Variants in CPPED1 observed in about 807,000 individuals in gnomAD.
The protein encoded by CPPED1 is calcineurin like phosphoesterase domain containing 1.
In CPPED1, 28 loss-of-function variants were observed where a neutral mutation model predicts 28.0. The ratio of observed to expected loss-of-function variants is 1.00; its 90% CI spans 0.74 to 1.37. The LOEUF is 1.37. Among genes scored for constraint, CPPED1 ranks in the 40% most tolerant of loss-of-function variants. The probability of loss-of-function intolerance (pLI) is 0.00; values close to 1 mark genes in which losing one functional copy is unlikely to be tolerated. For synonymous variants in CPPED1, 198 were observed against 180.2 expected (o/e 1.10, Z -0.79); for missense variants, 504 against 416.5 (o/e 1.21, Z -1.83).
intron 3 of CPPED1, among the ~76,000 whole-genome samples, chr16:12,689,222 T>TG (rs932338236): frequency 7.5e-5 from 11 of 146,142 alleles, no homozygotes; most frequent in African/African-American, 2.8e-4. Context: ...GAGGGCTTTT[T>TG]TTTTTTTTTT....
At chr16:12,731,343 C>G (rs563469720) in intron 2 of CPPED1, among the ~76,000 whole-genome samples, 1 of 148,038 alleles carries the variant, frequency 6.8e-6, no homozygotes, top group Non-Finnish European at 1.5e-5. Context: ...TTAGTAGAGA[C>G]GGGGTTTCAC....
chr16:12,754,915 G>A (rs1052508509), intron 2 of CPPED1, among the ~76,000 whole-genome samples: 1 of 152,190 alleles, frequency 6.6e-6, no homozygotes, highest in Non-Finnish European at 1.5e-5. Flanking sequence ...AGGAGCTGAG[G>A]TGGGAGGATG....
intron 2 of CPPED1, among the ~76,000 whole-genome samples, chr16:12,778,333 G>A (rs182740920): frequency 7.6e-6 from 1 of 131,052 alleles, no homozygotes; most frequent in Non-Finnish European, 1.5e-5. Flanking sequence ...CTGGAGTGCT[G>A]TGGTGCAATC....
At chr16:12,678,275 A>G (rs1368566623) in intron 3 of CPPED1, among the ~76,000 whole-genome samples, 2 of 152,268 alleles carry the variant, frequency 1.3e-5, no homozygotes, top group South Asian at 2.1e-4. Flanking sequence ...AAGTAAGAGC[A>G]TCTGTCCTGA....
intron 1 of CPPED1, among the ~76,000 whole-genome samples, chr16:12,799,443 G>A (rs554714081): frequency 1.8e-4 from 27 of 152,064 alleles, no homozygotes; most frequent in Non-Finnish European, 3.1e-4. Context: ...ATGGGGTTTC[G>A]CCATGTTGGC....
intron 2 of CPPED1, among the ~76,000 whole-genome samples, chr16:12,729,180 C>G (rs545827657): frequency 1.3e-5 from 2 of 152,260 alleles, no homozygotes; most frequent in East Asian, 3.9e-4. Context: ...GATCTGACAT[C>G]CAACTCAGGT....
intron 2 of CPPED1, among the ~76,000 whole-genome samples, chr16:12,758,608 A>G (rs1204435510): frequency 6.6e-6 from 1 of 152,164 alleles, no homozygotes; most frequent in East Asian, 1.9e-4. Flanking sequence ...ACTATTTTCC[A>G]TGATGTCTTC....
At chr16:12,730,046 G>A (rs2080189393) in intron 2 of CPPED1, among the ~76,000 whole-genome samples, 1 of 152,170 alleles carries the variant, frequency 6.6e-6, no homozygotes, top group East Asian at 1.9e-4. Context: ...ATTTTGTGTA[G>A]AGATGGGGCC....
intron 2 of CPPED1, among the ~76,000 whole-genome samples, chr16:12,777,903 C>CTTTTTTTTTTTTT (rs67527035): frequency 5.5e-5 from 7 of 126,604 alleles, no homozygotes; most frequent in African/African-American, 8.4e-5. Flanking sequence ...TTTCTATTTT[C>CTTTTTTTTTTTTT]TTTTTTTTTT....
intron 2 of CPPED1, among the ~76,000 whole-genome samples, chr16:12,732,112 G>A (rs911809597): frequency 2.6e-5 from 4 of 151,390 alleles, no homozygotes; most frequent in East Asian, 1.9e-4. Context: ...AGCCGAAATC[G>A]CACTCCAGCC....
At chr16:12,764,860 G>A (rs1186490587) in intron 2 of CPPED1, among the ~76,000 whole-genome samples, 1 of 152,192 alleles carries the variant, frequency 6.6e-6, no homozygotes, top group Non-Finnish European at 1.5e-5. Context: ...TTGCTAAGCA[G>A]GGGCAAACAC....
intron 1 of CPPED1, among the ~76,000 whole-genome samples, chr16:12,795,560 A>G (rs8050485): frequency 0.32 from 49,045 of 151,934 alleles, 11,098 homozygotes; most frequent in African/African-American, 0.64. Context: ...GGCTGGTCTC[A>G]AACTCCTGAC....
In CPPED1 at chr16:12,735,170, T is replaced by C. The variant is rs186228380; in HGVS notation, c.290-30121A>G. ...ATTCCCTTTTATGGACCTGAAAATC[T>C]GCTCCCAACATACTCCATGGACCAA... On this transcript the variant is annotated intron_variant, in intron 2 of 3. Coordinates refer to ENST00000381774, the MANE Select transcript of CPPED1 (RefSeq NM_018340.3). Among the ~76,000 whole-genome samples, 12 of 152,306 alleles carry C rather than the reference T, an allele frequency of 7.9e-5. No individual in the cohort carries two copies. In the East Asian group the frequency reaches 2.3e-3, roughly 29 times the overall value.
At chr16:12,764,838 C>T (rs137980634) in intron 2 of CPPED1, among the ~76,000 whole-genome samples, 2 of 152,310 alleles carry the variant, frequency 1.3e-5, no homozygotes, top group Admixed American at 6.5e-5. Context: ...GGACAGACAC[C>T]GTATTTGTTT....
Position 12,800,607 on chromosome 16 carries a change from T to A in CPPED1, c.70+3100A>T, listed in dbSNP as rs573463142. On this transcript the variant is annotated intron_variant, in intron 1 of 3. Transcript: ENST00000381774. ...TTCAAAATAAAAATCTGATCATACA[T>A]CCTTGCTTCCTCACACATCCAGCTT... 2.4e-4 allele frequency among the ~76,000 whole-genome samples: 36 copies of A among 152,228 alleles called. No homozygotes were observed. The South Asian group carries it at 7.5e-3, about 32-fold the overall frequency.
At chr16:12,754,921 G>A (rs2080355407) in intron 2 of CPPED1, among the ~76,000 whole-genome samples, 2 of 152,156 alleles carry the variant, frequency 1.3e-5, no homozygotes. Flanking sequence ...TGAGGTGGGA[G>A]GATGGCTTGA....
At chr16:12,724,656 G>C (rs896109752) in intron 2 of CPPED1, among the ~76,000 whole-genome samples, 5 of 152,174 alleles carry the variant, frequency 3.3e-5, no homozygotes, top group African/African-American at 1.2e-4. Flanking sequence ...CCATTTCAAG[G>C]CTTGAACATT....
chr16:12,795,338 T>C (rs1331776764), intron 1 of CPPED1, among the ~76,000 whole-genome samples: 2 of 151,874 alleles, frequency 1.3e-5, no homozygotes, highest in Non-Finnish European at 2.9e-5. Flanking sequence ...CCACCTGGTG[T>C]AGTCATGCAA....
At chr16:12,676,465 G>A (rs925357902) in intron 3 of CPPED1, among the ~76,000 whole-genome samples, 4 of 152,180 alleles carry the variant, frequency 2.6e-5, no homozygotes, top group Non-Finnish European at 5.9e-5. Flanking sequence ...TAATGAGGAC[G>A]CTGACCAGGA....
Sources: allele counts gnomAD v4.1 joint callset (sites outside exome capture counted in the v4.1 genomes callset), GRCh38; gene constraint gnomAD v4.1.1; transcripts MANE v1.5; gene names NCBI Gene and HGNC (gene_info 2026-07-23, HGNC 2026-07-21).